The following PEDS1 variants were observed in gnomAD, a reference collection of about 807,000 sequenced individuals.
The protein encoded by PEDS1 is CarF homolog.
Under a neutral mutation model 35.2 loss-of-function variants are expected in PEDS1, and 14 were observed. That is an observed-to-expected ratio of 0.40 (90% confidence interval 0.26 to 0.62). PEDS1 has a LOEUF of 0.62. Ranked by LOEUF, PEDS1 falls within the 20% of genes least tolerant of loss-of-function variation. PEDS1 has a pLI of 0.44. For synonymous variants in PEDS1, 152 were observed against 152.0 expected, an observed-to-expected ratio of 1.00 and a Z score of 0.00; for missense variants, 260 against 367.8, an observed-to-expected ratio of 0.71 and a Z score of 2.40.
At chr20:50,151,348 T>C in intron 1 of PEDS1, 1 of 1,255,352 alleles carries the variant, frequency 8.0e-7, no homozygotes, top group South Asian at 1.2e-5. Flanking sequence ...AAATATGCAA[T>C]TGATCGTGGT....
chr20:50,142,143 C>G (rs1003270695), intron 2 of PEDS1, among the ~76,000 whole-genome samples: 1 of 152,200 alleles, frequency 6.6e-6, no homozygotes, highest in Non-Finnish European at 1.5e-5. Context: ...TCAGTTCCCT[C>G]ATCTGGAAAA....
chr20:50,145,470 A>C (rs924109266), intron 1 of PEDS1, among the ~76,000 whole-genome samples: 1 of 152,174 alleles, frequency 6.6e-6, no homozygotes, highest in Admixed American at 6.5e-5. Context: ...CGAGGCAGGC[A>C]GATCACCTGA....
chr20:50,133,807 C>T (rs183926462), intron 2 of PEDS1, among the ~76,000 whole-genome samples: 56 of 152,340 alleles, frequency 3.7e-4, no homozygotes, highest in Middle Eastern at 3.4e-3. Flanking sequence ...GAGATGGCCT[C>T]ATTTGTCATC....
chr20:50,147,609 T>C (rs1433229342), intron 1 of PEDS1, among the ~76,000 whole-genome samples: 1 of 152,200 alleles, frequency 6.6e-6, no homozygotes, highest in Non-Finnish European at 1.5e-5. Context: ...TTCGGGGCAG[T>C]CCTGAAACCA....
intron 2 of PEDS1, among the ~76,000 whole-genome samples, chr20:50,131,374 C>T (rs575279196): frequency 6.6e-6 from 1 of 152,308 alleles, no homozygotes; most frequent in South Asian, 2.1e-4. Context: ...GTAATCCCAG[C>T]ACTTTGGGAG....
intron 5 of PEDS1, among the ~76,000 whole-genome samples, chr20:50,127,103 G>T (rs2081114623): frequency 6.6e-6 from 1 of 152,136 alleles, no homozygotes; most frequent in Non-Finnish European, 1.5e-5. Context: ...GCTGCCTAGA[G>T]TGCCTCCCAC....
rs764210921 is a variant in PEDS1, at chr20:50,124,862, G to GA, written c.*195dup. On this transcript the variant is annotated 3_prime_UTR_variant, in exon 6 of 6. Transcript: ENST00000371652. ...CTCAGGTGGCTGAGGAGGGGCCGAG[G>GA]AAAAAAAAAAAAAAGAAATGAAAAA... 52,892 of 519,414 alleles carry GA rather than the reference G, an allele frequency of 0.1. No individual in the cohort carries two copies. Among genetic ancestry groups the GA allele is most frequent in the South Asian group, 0.14 (5,261 of 38,866 alleles). The allele number at this position is 519,414 out of a possible 1,614,324, so 32.2% of individuals were successfully genotyped here. A position where few individuals can be genotyped will look rare whatever the true frequency, so the allele number is the denominator to read the frequency against.
At position 50,140,837 on chromosome 20, in the gene PEDS1, G is replaced by A. The variant is rs189112484; in HGVS notation, c.241+2665C>T. 2.0e-4 allele frequency among the ~76,000 whole-genome samples: 30 copies of A among 152,294 alleles called. No homozygotes were observed. The East Asian group carries it at 5.4e-3, about 27-fold the overall frequency. On this transcript the variant is annotated intron_variant, in intron 2 of 5. Coordinates refer to ENST00000371652, the MANE Select transcript of PEDS1 (RefSeq NM_199129.4). ...TGCAGGCTGGCACAGTGCCCTTACT[G>A]CCTGCATGTTAACACACAAATCGGG...
chr20:50,132,082 T>A (rs926500528), intron 2 of PEDS1, among the ~76,000 whole-genome samples: 6 of 152,150 alleles, frequency 3.9e-5, no homozygotes, highest in Admixed American at 6.5e-5. Context: ...CACACACCTA[T>A]AATCCCAGCT....
At chr20:50,134,302 T>G (rs1449926489) in intron 2 of PEDS1, among the ~76,000 whole-genome samples, 1 of 152,142 alleles carries the variant, frequency 6.6e-6, no homozygotes, top group African/African-American at 2.4e-5. Flanking sequence ...TCCCAGCACT[T>G]TGGGATGCCA....
chr20:50,126,736 G>A (rs537773071), intron 5 of PEDS1, among the ~76,000 whole-genome samples: 1 of 152,300 alleles, frequency 6.6e-6, no homozygotes, highest in East Asian at 1.9e-4. Flanking sequence ...AAGCAGCCCA[G>A]CTGGCTCCAG....
Position 50,149,810 on chromosome 20 carries a change from T to C in PEDS1, c.121+3707A>G, listed in dbSNP as rs574009958. On this transcript the variant is annotated intron_variant, in intron 1 of 5. Coordinates refer to ENST00000371652, the MANE Select transcript of PEDS1 (RefSeq NM_199129.4). ...CTCACCCCTGGCTGGCTGACTTCCA[T>C]AGTGAAGAGTAAGAACACAGAACCT... Among the ~76,000 whole-genome samples the C allele has an allele frequency of 3.9e-5, 6 of 152,194 alleles. No individual in the cohort carries two copies. In the East Asian group the frequency reaches 1.2e-3, roughly 29 times the overall value.
At chr20:50,144,901 A>C (rs1481394980) in intron 1 of PEDS1, among the ~76,000 whole-genome samples, 1 of 152,194 alleles carries the variant, frequency 6.6e-6, no homozygotes, top group Admixed American at 6.5e-5. Flanking sequence ...ATTGTAAATT[A>C]AAATAAAAAA....
intron 2 of PEDS1, among the ~76,000 whole-genome samples, chr20:50,136,775 G>A (rs147483372): frequency 0.021 from 3,015 of 145,472 alleles, 100 homozygotes; most frequent in African/African-American, 0.071. Flanking sequence ...ATTGGCTCAC[G>A]CCTATAATCC....
In PEDS1 at chr20:50,129,508, AG is replaced by A. The variant is rs1391527255; in HGVS notation, c.478+37del. 3.7e-6 allele frequency: 6 copies of A among 1,612,612 alleles called. No homozygotes were observed. Among genetic ancestry groups the A allele is most frequent in the African/African-American group, 1.3e-5 (1 of 74,900 alleles). ...TCCTGGGGGTCGGCCTCTGCCCCCA[AG>A]GCCCCCTCCCAGCCCACCACTAGCT... On this transcript the variant is annotated intron_variant, in intron 4 of 5. Coordinates refer to ENST00000371652, the MANE Select transcript of PEDS1 (RefSeq NM_199129.4). The surrounding 1 kb of genome is among the most constrained non-coding windows in gnomAD (Gnocchi z 4.2).
chr20:50,127,799 G>C (rs1343072152), intron 5 of PEDS1, among the ~76,000 whole-genome samples, 176 bp downstream of exon 5: 1 of 152,194 alleles, frequency 6.6e-6, no homozygotes, highest in Non-Finnish European at 1.5e-5. Context: ...TGTGTCCTCA[G>C]CACCTAGAAT....
chr20:50,143,690 A>T, intron 1 of PEDS1, 69 bp from the exon 2 acceptor site: 1 of 1,556,402 alleles, frequency 6.4e-7, no homozygotes, highest in South Asian at 1.2e-5. Context: ...CCCCATGGGA[A>T]CTTTTCTTTT....
At chr20:50,151,892 C>T (rs1218042232) in intron 1 of PEDS1, among the ~76,000 whole-genome samples, 1 of 151,876 alleles carries the variant, frequency 6.6e-6, no homozygotes, top group Non-Finnish European at 1.5e-5. Flanking sequence ...CAAAAAACAA[C>T]AAAAAAACCC....
intron 1 of PEDS1, among the ~76,000 whole-genome samples, chr20:50,147,694 C>T (rs2081359706): frequency 6.6e-6 from 1 of 152,208 alleles, no homozygotes; most frequent in African/African-American, 2.4e-5. Flanking sequence ...TAAACTCCAT[C>T]TCTCTTTGGC....
Sources: gnomAD v4.1 joint callset for allele counts (sites outside exome capture counted in the v4.1 genomes callset) on GRCh38, gnomAD v4.1.1 for gene constraint, Gnocchi (gnomAD v3.1) non-coding constraint, MANE v1.5 for transcripts, NCBI Gene and HGNC (gene_info 2026-07-23, HGNC 2026-07-21) for gene names.